Variants in KIF12 observed in about 807,000 individuals in gnomAD.
The protein encoded by KIF12 is kinesin family member 12.
A neutral mutation model predicts 87.9 loss-of-function variants in KIF12; 80 were observed. That is an observed-to-expected ratio of 0.91 (90% CI 0.76 to 1.10). The LOEUF (loss-of-function observed/expected upper bound fraction) is 1.10. Among genes scored for constraint, KIF12 ranks in the 50% least tolerant of loss-of-function variants. The pLI, the probability that KIF12 is intolerant of heterozygous loss-of-function variation, is 0.00. For missense variants in KIF12, 819 were observed against 865.3 expected, an observed-to-expected ratio of 0.95 and a Z score of 0.67; for synonymous variants, 353 against 348.5, an observed-to-expected ratio of 1.01 and a Z score of -0.14.
chr9:114,097,804 T>A (rs1463886673), intron 5 of KIF12, 63 bp from the exon 6 acceptor site: 2 of 1,530,478 alleles, frequency 1.3e-6, no homozygotes, highest in Non-Finnish European at 1.8e-6. Context: ...CTGTAGCGCA[T>A]GTATGATACC....
chr9:114,097,961 T>TA (rs1415068601), intron 5 of KIF12, 154 bp downstream of exon 5: 2 of 960,082 alleles, frequency 2.1e-6, no homozygotes, highest in Non-Finnish European at 3.1e-6. Flanking sequence ...GCAAGTCCCT[T>TA]CTCTTTGGTC....
rs1383039358 is a variant in KIF12, at chr9:114,096,105, G to A, written c.841C>T (p.Arg281Cys). ...TTAGCCTCAAGCATCAGCTCCCCAC[G>A]GGATCCCGTGGCTGCTACCTTCTCA... ...GSEKVAATGS[R>C]GELMLEANSI... The change falls in exon 9 of 19, where the codon CGT becomes TGT. Residue 281 changes from arginine to cysteine, a missense_variant. Physicochemically the swap from Arg to Cys is radical, Grantham distance 180. Transcript: ENST00000640217. 5.0e-6 allele frequency: 8 copies of A among 1,613,618 alleles called. No individual in the cohort carries two copies. The highest frequency in any genetic ancestry group is 1.7e-5 in the Admixed American group (1 of 59,988).
intron 14 of KIF12, 29 bp downstream of exon 14, chr9:114,093,857 C>T: frequency 6.3e-7 from 1 of 1,591,510 alleles, no homozygotes; most frequent in Non-Finnish European, 8.6e-7. Flanking sequence ...TGTCCAGAGG[C>T]CTGGCTCCAA....
chr9:114,094,222 G>A lies in KIF12; in HGVS notation c.1272C>T (p.Tyr424=), dbSNP rs369640386. 1.2e-4 allele frequency: 187 copies of A among 1,613,834 alleles called. No homozygotes were observed. Among genetic ancestry groups the A allele is most frequent in the Middle Eastern group, 4.9e-4 (3 of 6,072 alleles). ...CTAGCATGAACTCCTGTAGCATCCCGTACAGGTTCCGCTGGGCCCAGGCCA... is the reference window on the plus strand; with the variant it reads ...CTAGCATGAACTCCTGTAGCATCCCATACAGGTTCCGCTGGGCCCAGGCCA... ...ARVAWAQRNL[Y]GMLQEFMLEN... The change falls in exon 13 of 19, where the codon TAC becomes TAT. Residue 424 remains tyrosine, a synonymous_variant. Coordinates refer to ENST00000640217, the MANE Select transcript of KIF12 (RefSeq NM_001388308.1).
rs752375951 is a variant in KIF12 at position 114,094,248 on chromosome 9, C to G, written c.1246G>C (p.Val416Leu). The change falls in exon 13 of 19, where the codon GTG (valine) becomes CTG (leucine). Residue 416 changes from valine (V) to leucine (L), a missense_variant. By Grantham distance (32) the Val-to-Leu change is conservative. Coordinates refer to ENST00000640217, the MANE Select transcript of KIF12 (RefSeq NM_001388308.1). Reference sequence around the variant, plus strand: ...TACAGGTTCCGCTGGGCCCAGGCCACCCGGGCTCCACTGAGCCCTGAGGCT... The same window carrying G: ...TACAGGTTCCGCTGGGCCCAGGCCAGCCGGGCTCCACTGAGCCCTGAGGCT... ...CKASGLSGARVAWAQRNLYGM... is the reference protein window; with the variant it reads ...CKASGLSGARLAWAQRNLYGM... 6.2e-7 allele frequency: 1 copy of G among 1,613,938 alleles called. No individual in the cohort carries two copies. Among genetic ancestry groups the G allele is most frequent in the Non-Finnish European group, 8.5e-7 (1 of 1,180,020 alleles).
chr9:114,097,765 AT>A, intron 5 of KIF12, 24 bp from the exon 6 acceptor site: 1 of 1,606,114 alleles, frequency 6.2e-7, no homozygotes, highest in South Asian at 1.1e-5. Context: ...CAGCTGAGCC[AT>A]CGTCATCTCC....
Position 114,094,372 on chromosome 9 carries a change from C to T in KIF12, c.1203G>A (p.Leu401=). 1 of 1,613,890 alleles carries T rather than the reference C, an allele frequency of 6.2e-7. No homozygotes were observed. Among genetic ancestry groups the T allele is most frequent in the Non-Finnish European group, 8.5e-7 (1 of 1,179,792 alleles). Residue 401 remains leucine (L), a synonymous_variant, in exon 12 of 19, where the codon CTG becomes CTA. Coordinates refer to ENST00000640217, the MANE Select transcript of KIF12 (RefSeq NM_001388308.1). ...QEENRRLQFQ[L]DQMDCKASGL... Reference sequence around the variant, plus strand: ...CCATACCCTTGCAGTCCATTTGGTCCAGCTGGAACTGCAGGCGACGGTTCT... The same window carrying T: ...CCATACCCTTGCAGTCCATTTGGTCTAGCTGGAACTGCAGGCGACGGTTCT...
At chr9:114,096,296 C>A in intron 8 of KIF12, 89 bp from the exon 9 acceptor site, 1 of 1,599,430 alleles carries the variant, frequency 6.3e-7, no homozygotes, top group Non-Finnish European at 8.5e-7. Flanking sequence ...CATTATTAAC[C>A]CCCATGCACA....
chr9:114,098,840 G>T (rs1847360873), intron 3 of KIF12, 95 bp downstream of exon 3: 2 of 1,402,694 alleles, frequency 1.4e-6, no homozygotes, highest in Non-Finnish European at 1.9e-6. Flanking sequence ...GGACCACTCC[G>T]GGGGAGCGCG....
In KIF12 at chr9:114,094,347, C is replaced by T. The variant is rs755066105; in HGVS notation, c.1222+6G>A. 9.9e-6 allele frequency: 16 copies of T among 1,612,722 alleles called. No individual in the cohort carries two copies. The highest frequency in any genetic ancestry group is 1.2e-5 in the Non-Finnish European group (14 of 1,178,928). The stretch of plus-strand genomic sequence containing the variant: ...CCATCCTACTCTGCCTCCAGGAAGC[C>T]CATACCCTTGCAGTCCATTTGGTCC... On this transcript the variant is annotated splice_donor_region_variant and intron_variant, in intron 12 of 18. Coordinates refer to ENST00000640217, the MANE Select transcript of KIF12 (RefSeq NM_001388308.1).
intron 18 of KIF12, 114 bp from the exon 19 acceptor site, chr9:114,092,114 T>TC: frequency 1.8e-5 from 25 of 1,389,218 alleles, no homozygotes; most frequent in Non-Finnish European, 2.3e-5. Context: ...CCTCCACCCT[T>TC]CCCCCCACCC....
chr9:114,092,196 T>C (rs1847024485), intron 18 of KIF12, 137 bp downstream of exon 18: 1 of 1,488,444 alleles, frequency 6.7e-7, no homozygotes, highest in East Asian at 2.4e-5. Context: ...ATTCCAAGTT[T>C]GGGAAGTAGA....
chr9:114,096,513 AG>A, intron 7 of KIF12, 35 bp from the exon 8 acceptor site: 2 of 1,487,358 alleles, frequency 1.3e-6, no homozygotes, highest in Non-Finnish European at 1.9e-6. Context: ...TGGACCTGGT[AG>A]GAAGAACAGG....
Position 114,098,255 on chromosome 9 carries a change from G to C in KIF12, c.299+47C>G, listed in dbSNP as rs1308220899. On this transcript the variant is annotated intron_variant, in intron 4 of 18. Transcript: ENST00000640217. ...CCGGGGTGGGGGCTGGGGGTGCTTC[G>C]GGGCCCCGCCAGGCCCGGCGCGGAG... 3.3e-6 allele frequency: 5 copies of C among 1,514,542 alleles called. No individual in the cohort carries two copies. In the South Asian group the frequency reaches 5.0e-5, roughly 15 times the overall value. The allele number at this position is 1,514,542 out of a possible 1,614,324, so 93.8% of individuals were successfully genotyped here.
Position 114,091,722 on chromosome 9 carries a change from C to A in KIF12, c.*139G>T. 2.4e-6 allele frequency: 2 copies of A among 842,378 alleles called. No individual in the cohort carries two copies. The highest frequency in any genetic ancestry group is 3.5e-6 in the Non-Finnish European group (2 of 565,866). 52.2% of individuals were successfully genotyped at this position (842,378 alleles called of 1,614,324 possible). On this transcript the variant is annotated 3_prime_UTR_variant, in exon 19 of 19. Transcript: ENST00000640217. ...AATCCCCTTGTTCCCCTAAATAGCA[C>A]CCCCAGTCCCCGCCCCTAGCCCAGC...
At position 114,094,601 on chromosome 9, in the gene KIF12, T is replaced by C. The variant is rs1217674141; in HGVS notation, c.1120-146A>G. 10 of 613,046 alleles carry C rather than the reference T, an allele frequency of 1.6e-5. No homozygotes were observed. The East Asian group carries it at 2.7e-4, about 17-fold the overall frequency. The allele number at this position is 613,046 out of a possible 1,614,324, so 38.0% of individuals were successfully genotyped here. Reference sequence around the variant, plus strand: ...TTGCATCTTGGCACAAGGCTGTATCTGCCTGGAAGGGGCACCTTGTCCTAA... The same window carrying C: ...TTGCATCTTGGCACAAGGCTGTATCCGCCTGGAAGGGGCACCTTGTCCTAA... On this transcript the variant is annotated intron_variant, in intron 11 of 18. Coordinates refer to ENST00000640217, the MANE Select transcript of KIF12 (RefSeq NM_001388308.1).
At chr9:114,092,972 T>A (rs1310421824) in intron 16 of KIF12, 1 of 1,383,604 alleles carries the variant, frequency 7.2e-7, no homozygotes, top group African/African-American at 1.5e-5. Context: ...AGTAAATCCA[T>A]AAGTGAGTAG....
intron 16 of KIF12, chr9:114,092,967 A>C: frequency 7.2e-7 from 1 of 1,394,644 alleles, no homozygotes; most frequent in Non-Finnish European, 9.4e-7. Flanking sequence ...GATTCAGTAA[A>C]TCCATAAGTG....
chr9:114,097,793 T>G, intron 5 of KIF12, 52 bp from the exon 6 acceptor site: 7 of 1,572,380 alleles, frequency 4.5e-6, no homozygotes, highest in Non-Finnish European at 4.3e-6. Flanking sequence ...ATAACTACCC[T>G]CTGTAGCGCA....
Sources: gnomAD v4.1 joint callset for allele counts on GRCh38, gnomAD v4.1.1 for gene constraint, MANE v1.5 for transcripts, NCBI Gene and HGNC (gene_info 2026-07-23, HGNC 2026-07-21) for gene names.